ADGRB3: variants seen among roughly 807,000 people sequenced by gnomAD.
The protein encoded by ADGRB3 is brain-specific angiogenesis inhibitor 3.
A neutral mutation model predicts 193.4 loss-of-function variants in ADGRB3; 37 were observed. That is an observed-to-expected ratio of 0.19 (90% confidence interval 0.15 to 0.25). ADGRB3 has a LOEUF of 0.25. Among genes scored for constraint, ADGRB3 ranks in the 10% least tolerant of loss-of-function variants. The probability of loss-of-function intolerance (pLI) is 1.00; values close to 1 mark genes in which losing one functional copy is unlikely to be tolerated. For missense variants in ADGRB3, 1,637 were observed against 1,852.9 expected, an observed-to-expected ratio of 0.88 and a Z score of 2.14; for synonymous variants, 690 against 644.2, an observed-to-expected ratio of 1.07 and a Z score of -1.08.
intron 20 of ADGRB3, among the ~76,000 whole-genome samples, chr6:69,279,071 G>GTGTA (rs1223848774): frequency 1.7e-4 from 12 of 71,388 alleles, no homozygotes; most frequent in Non-Finnish European, 1.9e-4. Flanking sequence ...AAATACATAT[G>GTGTA]TATATATATA....
chr6:68,994,035 C>A, intron 11 of ADGRB3, 73 bp downstream of exon 11: 2 of 1,476,904 alleles, frequency 1.4e-6, no homozygotes, highest in Non-Finnish European at 1.9e-6. Flanking sequence ...GAAGCCAGTG[C>A]AGCCGTCTTG....
intron 17 of ADGRB3, among the ~76,000 whole-genome samples, chr6:69,193,747 C>T (rs1177464525): frequency 6.6e-6 from 1 of 151,730 alleles, no homozygotes; most frequent in Admixed American, 6.6e-5. Context: ...AAAATAATAA[C>T]CTGCTTTAAG....
At chr6:68,967,197 A>T (rs1171811938) in intron 8 of ADGRB3, among the ~76,000 whole-genome samples, 4 of 152,318 alleles carry the variant, frequency 2.6e-5, no homozygotes, top group Middle Eastern at 3.4e-3. Context: ...GGCTTCATAA[A>T]TTTACTGTGG....
chr6:68,923,099 T>C (rs1427229961), intron 3 of ADGRB3, among the ~76,000 whole-genome samples: 1 of 139,838 alleles, frequency 7.2e-6, no homozygotes, highest in African/African-American at 2.6e-5. Flanking sequence ...ATCATTCTTA[T>C]TAAGAAAGTC....
chr6:69,266,170 C>T (rs1767035378), intron 20 of ADGRB3, among the ~76,000 whole-genome samples: 1 of 151,708 alleles, frequency 6.6e-6, no homozygotes, highest in East Asian at 1.9e-4. Flanking sequence ...TGGTTCACAG[C>T]CAGTAACATG....
intron 17 of ADGRB3, among the ~76,000 whole-genome samples, chr6:69,216,111 G>C (rs1026525859): frequency 6.6e-6 from 1 of 152,152 alleles, no homozygotes; most frequent in Non-Finnish European, 1.5e-5. Context: ...TTTGGTGGCA[G>C]AGTATCATTT....
chr6:69,364,200 A>G (rs1769519547), intron 29 of ADGRB3, among the ~76,000 whole-genome samples: 1 of 152,026 alleles, frequency 6.6e-6, no homozygotes, highest in Non-Finnish European at 1.5e-5. Flanking sequence ...CAGTTTTCAC[A>G]AACTGCCAGC....
intron 3 of ADGRB3, among the ~76,000 whole-genome samples, chr6:68,777,793 G>T (rs1031833081): frequency 6.6e-6 from 1 of 151,836 alleles, no homozygotes; most frequent in African/African-American, 2.4e-5. Context: ...AAGAGATGAA[G>T]GTCCAGAGAA....
chr6:69,040,700 A>AAAAAAAAAAC, intron 13 of ADGRB3, among the ~76,000 whole-genome samples: 2 of 145,610 alleles, frequency 1.4e-5, no homozygotes, highest in Non-Finnish European at 3.0e-5. Context: ...AAAAAAAAAA[A>AAAAAAAAAAC]AAAAAAAAAC....
chr6:69,168,800 CTT>C lies in ADGRB3; in HGVS notation c.2481-64487_2481-64486del, dbSNP rs528495500. ...CATTGACAGAATATCATTTTGTCCT[CTT>C]TTAAATTTTAGTTGGAAAAATCAGC... is the stretch of plus-strand genomic sequence containing the variant. On this transcript the variant is annotated intron_variant, in intron 17 of 31. Coordinates refer to ENST00000370598, the MANE Select transcript of ADGRB3 (RefSeq NM_001704.3). 3.9e-5 allele frequency among the ~76,000 whole-genome samples: 6 copies of C among 152,096 alleles called. No individual in the cohort carries two copies. The South Asian group carries it at 6.2e-4, about 16-fold the overall frequency.
chr6:68,683,571 G>A (rs975423408), intron 3 of ADGRB3, among the ~76,000 whole-genome samples: 2 of 151,970 alleles, frequency 1.3e-5, no homozygotes, highest in African/African-American at 4.8e-5. Flanking sequence ...TCTACAATAT[G>A]TATTGCTTTA....
At chr6:68,672,444 G>T in intron 3 of ADGRB3, among the ~76,000 whole-genome samples, 1 of 150,128 alleles carries the variant, frequency 6.7e-6, no homozygotes, top group South Asian at 2.1e-4. Flanking sequence ...GTATCTCATT[G>T]GTTTTTATAT....
chr6:68,999,310 GCT>G (rs1054429450), intron 11 of ADGRB3, among the ~76,000 whole-genome samples: 1 of 149,506 alleles, frequency 6.7e-6, no homozygotes, highest in Non-Finnish European at 1.5e-5. Context: ...TGTCGCCCAG[GCT>G]GGAGATCAGT....
At chr6:68,665,380 T>TA (rs1768776145) in intron 3 of ADGRB3, among the ~76,000 whole-genome samples, 1 of 151,832 alleles carries the variant, frequency 6.6e-6, no homozygotes, top group African/African-American at 2.4e-5. Context: ...GAAGAAAAGA[T>TA]AAAAAAGATG....
At chr6:68,696,628 A>G (rs1436565560) in intron 3 of ADGRB3, among the ~76,000 whole-genome samples, 1 of 151,846 alleles carries the variant, frequency 6.6e-6, no homozygotes, top group African/African-American at 2.4e-5. Context: ...TTTTCACATT[A>G]TATGACAAAT....
chr6:68,877,602 A>G (rs1343197235), intron 3 of ADGRB3, among the ~76,000 whole-genome samples: 3 of 152,072 alleles, frequency 2.0e-5, no homozygotes, highest in Non-Finnish European at 4.4e-5. Flanking sequence ...CACATCTCCA[A>G]TTTTAATGGA....
chr6:69,216,183 A>T (rs528068943), intron 17 of ADGRB3, among the ~76,000 whole-genome samples: 1 of 152,210 alleles, frequency 6.6e-6, no homozygotes, highest in East Asian at 1.9e-4. Context: ...TGTTAAGTGG[A>T]TGGATGGATG....
intron 13 of ADGRB3, among the ~76,000 whole-genome samples, chr6:69,019,285 A>T (rs572918543): frequency 1.4e-4 from 21 of 152,160 alleles, no homozygotes; most frequent in Middle Eastern, 3.4e-3. Flanking sequence ...TACTCTTAAC[A>T]TAAAAACCAC....
chr6:69,382,062 C>A (rs1769959109), intron 30 of ADGRB3, among the ~76,000 whole-genome samples: 1 of 151,812 alleles, frequency 6.6e-6, no homozygotes, highest in South Asian at 2.1e-4. Context: ...TACCCCAAGG[C>A]CATTTTTATT....
Sources: allele counts gnomAD v4.1 joint callset (sites outside exome capture counted in the v4.1 genomes callset), GRCh38; gene constraint gnomAD v4.1.1; transcripts MANE v1.5; gene names NCBI Gene and HGNC (gene_info 2026-07-23, HGNC 2026-07-21).